DNAH3: variants seen among roughly 807,000 people sequenced by gnomAD.
The protein encoded by DNAH3 is dynein axonemal heavy chain 3.
A neutral mutation model predicts 432.5 loss-of-function variants in DNAH3; 332 were observed. The ratio of observed to expected loss-of-function variants is 0.77; its 90% CI spans 0.70 to 0.84. DNAH3 has a LOEUF of 0.84. DNAH3 is among the 40% of genes least tolerant of loss of function. The pLI, the probability that DNAH3 is intolerant of heterozygous loss-of-function variation, is 0.00. For synonymous variants in DNAH3, 1,956 were observed against 1,900.2 expected, an observed-to-expected ratio of 1.03 and a Z score of -0.76; for missense variants, 4,861 against 5,114.0, an observed-to-expected ratio of 0.95 and a Z score of 1.51.
At chr16:21,041,698 T>C (rs1429947453) in intron 32 of DNAH3, among the ~76,000 whole-genome samples, 1 of 152,168 alleles carries the variant, frequency 6.6e-6, no homozygotes, top group Non-Finnish European at 1.5e-5. Context: ...AGATGGAGTT[T>C]CACTCTTATC....
chr16:21,117,234 C>T lies in DNAH3; in HGVS notation c.1783G>A (p.Val595Ile), dbSNP rs79106276. Residue 595 changes from valine (V) to isoleucine (I), a missense_variant, in exon 12 of 62, where the codon GTA (valine) becomes ATA (isoleucine). Physicochemically the swap from Val to Ile is conservative, Grantham distance 29. Transcript: ENST00000261383. ...GGGCCAACTTGATTTTTCTGAAATACCTTGAAAGTTTGAATCAAAAAATCA... is the reference window on the plus strand; with the variant it reads ...GGGCCAACTTGATTTTTCTGAAATATCTTGAAAGTTTGAATCAAAAAATCA... The T allele has an allele frequency of 6.7e-3, 10,773 of 1,609,700 alleles. 599 individuals are homozygous for T. In the African/African-American group the frequency reaches 0.12, roughly 18 times the overall value.
At chr16:20,942,619 G>GGAGAA (rs1274181924) in intron 58 of DNAH3, among the ~76,000 whole-genome samples, 2 of 152,186 alleles carry the variant, frequency 1.3e-5, no homozygotes, top group Admixed American at 6.5e-5. Context: ...CTTGGAAGGT[G>GGAGAA]GAGAAGGGAA....
Position 21,111,815 on chromosome 16 carries a change from G to C in DNAH3, c.1921-11C>G. Reference sequence around the variant, plus strand: ...TATGGCATTGATCTTCTGCAGAAAGGAGCACATTCAGTAGCTTGATTTGCC... The same window carrying C: ...TATGGCATTGATCTTCTGCAGAAAGCAGCACATTCAGTAGCTTGATTTGCC... On this transcript the variant is annotated splice_polypyrimidine_tract_variant and intron_variant, in intron 13 of 61. Transcript: ENST00000261383. The C allele has an allele frequency of 6.2e-7, 1 of 1,610,374 alleles. No individual in the cohort carries two copies.
At chr16:20,977,028 T>C (rs1357445402) in intron 50 of DNAH3, among the ~76,000 whole-genome samples, 3 of 152,224 alleles carry the variant, frequency 2.0e-5, no homozygotes, top group Admixed American at 6.5e-5. Flanking sequence ...TGAACTCCTC[T>C]AATAACAGGG....
chr16:21,086,799 G>T (rs751216299), intron 19 of DNAH3, 50 bp downstream of exon 19: 2 of 1,537,478 alleles, frequency 1.3e-6, no homozygotes, highest in Admixed American at 3.3e-5. Flanking sequence ...GGACAGTCAG[G>T]GCCAGGCCTG....
chr16:20,974,914 G>A (rs1229188714), intron 51 of DNAH3, among the ~76,000 whole-genome samples: 1 of 151,008 alleles, frequency 6.6e-6, no homozygotes, highest in Non-Finnish European at 1.5e-5. Context: ...TGCCTCCCAG[G>A]TTCAAGCAAT....
intron 59 of DNAH3, among the ~76,000 whole-genome samples, chr16:20,937,523 G>A (rs1212607164): frequency 7.1e-6 from 1 of 140,964 alleles, no homozygotes; most frequent in Non-Finnish European, 1.5e-5. Flanking sequence ...TATTGTCAAA[G>A]TTGTTCTTTT....
At chr16:21,048,779 C>T (rs543860797) in intron 31 of DNAH3, among the ~76,000 whole-genome samples, 19 of 151,890 alleles carry the variant, frequency 1.3e-4, no homozygotes, top group African/African-American at 4.3e-4. Flanking sequence ...TTGCAACCTC[C>T]GCCTCCCAGG....
intron 54 of DNAH3, 56 bp from the exon 55 acceptor site, chr16:20,955,113 G>A (rs2152596407): frequency 4.7e-6 from 7 of 1,489,480 alleles, no homozygotes; most frequent in Non-Finnish European, 6.3e-6. Context: ...ATAGTGAAAA[G>A]CAACAACAAA....
In DNAH3 at chr16:21,069,414, C is replaced by G; in HGVS notation, c.3381+1G>C. ...AGAGTTATTAGGGTATAAAAACTTA[C>G]CGCTTGGGACATAAGTGATTTCCAG... On this transcript the variant is annotated splice_donor_variant, in intron 23 of 61. Transcript: ENST00000261383. LOFTEE classifies it high-confidence loss of function. 8.7e-6 allele frequency: 14 copies of G among 1,612,964 alleles called. No individual in the cohort carries two copies. Among genetic ancestry groups the G allele is most frequent in the Non-Finnish European group, 1.2e-5 (14 of 1,179,616 alleles).
chr16:21,041,881 C>G (rs1846026297), intron 32 of DNAH3, 146 bp downstream of exon 32: 1 of 855,484 alleles, frequency 1.2e-6, no homozygotes, highest in Non-Finnish European at 1.9e-6. Flanking sequence ...CCACATTGGA[C>G]AGGCTGATCT....
chr16:21,072,147 C>G (rs1057340038), intron 21 of DNAH3, among the ~76,000 whole-genome samples: 5 of 151,902 alleles, frequency 3.3e-5, no homozygotes, highest in Non-Finnish European at 7.4e-5. Context: ...TTTCTTTTGG[C>G]CTAAGGGCAC....
intron 3 of DNAH3, 60 bp downstream of exon 4, chr16:21,145,121 A>T: frequency 2.9e-6 from 4 of 1,382,104 alleles, no homozygotes; most frequent in Non-Finnish European, 4.0e-6. Context: ...AAAATAAATA[A>T]ATAAATAAAA....
chr16:21,035,314 G>A (rs1224618009), intron 35 of DNAH3, among the ~76,000 whole-genome samples: 1 of 152,098 alleles, frequency 6.6e-6, no homozygotes, highest in Non-Finnish European at 1.5e-5. Flanking sequence ...GTAATGGAGG[G>A]AGACTGTTTA....
chr16:21,069,478 C>T, exon 23 of DNAH3: 1 of 1,614,166 alleles, frequency 6.2e-7, no homozygotes, highest in Non-Finnish European at 8.5e-7. Flanking sequence ...CCTCTTCTGG[C>T]ATCTGGGCTA....
At chr16:21,076,034 G>A (rs73542621) in intron 20 of DNAH3, among the ~76,000 whole-genome samples, 3,240 of 149,680 alleles carry the variant, frequency 0.022, 127 homozygotes, top group African/African-American at 0.074. Flanking sequence ...GCCAGCTACC[G>A]CCAGTGTTTT....
chr16:20,950,819 T>C (rs1242697407), intron 56 of DNAH3, among the ~76,000 whole-genome samples: 2 of 152,048 alleles, frequency 1.3e-5, no homozygotes, highest in African/African-American at 4.8e-5. Flanking sequence ...TTTTTTTGGT[T>C]GTATGTGTGT....
At chr16:21,063,116 TG>T (rs2090421762) in intron 24 of DNAH3, 1 of 160,374 alleles carries the variant, frequency 6.2e-6, no homozygotes, top group African/African-American at 2.4e-5. Context: ...GACTGGGGGA[TG>T]GGTGCTATCA....
intron 52 of DNAH3, among the ~76,000 whole-genome samples, 183 bp downstream of exon 52, chr16:20,969,609 G>T (rs972513144): frequency 6.6e-6 from 1 of 152,238 alleles, no homozygotes; most frequent in African/African-American, 2.4e-5. Context: ...GAGGGCGGAG[G>T]CCGCTGGAGA....
Sources: allele counts gnomAD v4.1 joint callset (sites outside exome capture counted in the v4.1 genomes callset), GRCh38; gene constraint gnomAD v4.1.1; transcripts MANE v1.5; gene names NCBI Gene and HGNC (gene_info 2026-07-23, HGNC 2026-07-21).